KAT6A: variants seen among roughly 807,000 people sequenced by gnomAD.
The protein encoded by KAT6A is histone acetyltransferase KAT6A.
Under a neutral mutation model 198.4 loss-of-function variants are expected in KAT6A, and 9 were observed. That is an observed-to-expected ratio of 0.05 (90% CI 0.03 to 0.08). The LOEUF (loss-of-function observed/expected upper bound fraction) is 0.08. Ranked by LOEUF, KAT6A falls within the 10% of genes least tolerant of loss-of-function variation. The pLI is 1.00. For synonymous variants in KAT6A, 890 were observed against 883.0 expected, an observed-to-expected ratio of 1.01 and a Z score of -0.14; for missense variants, 2,077 against 2,509.9, an observed-to-expected ratio of 0.83 and a Z score of 3.69.
rs1822307015 is a variant in KAT6A, at chr8:41,945,030, A to T, written c.1997-1051T>A. On this transcript the variant is annotated intron_variant, in intron 12 of 16. Transcript: ENST00000265713. ...CATTAGTTCTGCATATATTCATCTAAATATCATTGTATAGCAATATCTGAG... is the reference window on the plus strand; with the variant it reads ...CATTAGTTCTGCATATATTCATCTATATATCATTGTATAGCAATATCTGAG... 4.6e-5 allele frequency among the ~76,000 whole-genome samples: 7 copies of T among 152,328 alleles called. No individual in the cohort carries two copies. In the South Asian group the frequency reaches 1.4e-3, roughly 32 times the overall value.
intron 5 of KAT6A, among the ~76,000 whole-genome samples, chr8:41,980,605 C>T (rs1247825044): frequency 1.3e-5 from 2 of 152,156 alleles, no homozygotes; most frequent in Non-Finnish European, 2.9e-5. Context: ...AAATGAACCA[C>T]TTCACCATTG....
intron 8 of KAT6A, among the ~76,000 whole-genome samples, chr8:41,965,053 G>C (rs928357740): frequency 1.3e-5 from 2 of 152,142 alleles, no homozygotes; most frequent in African/African-American, 4.8e-5. Context: ...CCTACTACAT[G>C]CAAGTCACAC....
chr8:42,046,543 A>G, intron 2 of KAT6A, among the ~76,000 whole-genome samples: 1 of 152,196 alleles, frequency 6.6e-6, no homozygotes, highest in Non-Finnish European at 1.5e-5. Flanking sequence ...AAATAAATAA[A>G]TAAAAGCAAA....
At chr8:41,997,547 T>G (rs567140589) in intron 2 of KAT6A, among the ~76,000 whole-genome samples, 14 of 152,334 alleles carry the variant, frequency 9.2e-5, no homozygotes, top group Admixed American at 9.2e-4. Context: ...TCACTTTGTC[T>G]TAAGAAAAAT....
chr8:41,946,493 TACAC>T lies in KAT6A; in HGVS notation c.1996+94_1996+97del, dbSNP rs60247515. On this transcript the variant is annotated intron_variant, in intron 12 of 16. Coordinates refer to ENST00000265713, the MANE Select transcript of KAT6A (RefSeq NM_006766.5). ...CTACAAATCTTTAAATATATATATA[TACAC>T]ACACACACACACACACACACACACA... is the stretch of plus-strand genomic sequence containing the variant. The T allele has an allele frequency of 0.025, 8,017 of 321,040 alleles. 42 individuals carry two copies. Among genetic ancestry groups the T allele is most frequent in the Non-Finnish European group, 0.03 (5,528 of 187,006 alleles). The allele number at this position is 321,040 out of a possible 1,614,324, so 19.9% of individuals were successfully genotyped here.
chr8:41,988,500 C>G (rs7009031), intron 2 of KAT6A, among the ~76,000 whole-genome samples: 1 of 152,114 alleles, frequency 6.6e-6, no homozygotes, highest in Non-Finnish European at 1.5e-5. Context: ...GAGATAATCA[C>G]TTGGAGAAAA....
chr8:41,952,607 T>G (rs1822719735), intron 9 of KAT6A, among the ~76,000 whole-genome samples: 1 of 152,246 alleles, frequency 6.6e-6, no homozygotes, highest in Non-Finnish European at 1.5e-5. Context: ...AAAAGACGTT[T>G]TTCTTGTGAT....
In KAT6A at chr8:42,003,980, C is replaced by T. The variant is rs572370640; in HGVS notation, c.601-16417G>A. On this transcript the variant is annotated intron_variant, in intron 2 of 16. Coordinates refer to ENST00000265713, the MANE Select transcript of KAT6A (RefSeq NM_006766.5). ...GAAAACAAATTTCTGTTGCTTAAGCCATTTAGTCTACGGTATTCTGTAATA... is the reference window on the plus strand; with the variant it reads ...GAAAACAAATTTCTGTTGCTTAAGCTATTTAGTCTACGGTATTCTGTAATA... Among the ~76,000 whole-genome samples the T allele has an allele frequency of 5.9e-5, 9 of 152,220 alleles. No homozygotes were observed. The South Asian group carries it at 1.9e-3, about 32-fold the overall frequency.
intron 1 of KAT6A, among the ~76,000 whole-genome samples, chr8:42,051,464 C>T (rs1014626787): frequency 2.0e-5 from 3 of 148,158 alleles, no homozygotes; most frequent in African/African-American, 4.9e-5. Context: ...CCCGGCCCGG[C>T]ACAGCCGGCA....
chr8:41,974,894 C>G, intron 7 of KAT6A, 72 bp from the exon 8 acceptor site: 2 of 866,078 alleles, frequency 2.3e-6, no homozygotes, highest in Non-Finnish European at 3.7e-6. Context: ...AATTTCAGGT[C>G]TTTATTTCAA....
chr8:41,993,656 TG>T (rs2150897635), intron 2 of KAT6A, among the ~76,000 whole-genome samples: 1 of 152,266 alleles, frequency 6.6e-6, no homozygotes, highest in African/African-American at 2.4e-5. Flanking sequence ...AACAGTACCT[TG>T]GGGGTTTAAG....
chr8:41,950,478 A>G (rs772297906), intron 9 of KAT6A, among the ~76,000 whole-genome samples: 74 of 152,154 alleles, frequency 4.9e-4, no homozygotes, highest in South Asian at 6.2e-4. Context: ...TAACTGTTTT[A>G]CTTACCTCTT....
intron 3 of KAT6A, among the ~76,000 whole-genome samples, chr8:41,982,947 CT>C (rs1824432976): frequency 6.6e-6 from 1 of 152,102 alleles, no homozygotes; most frequent in African/African-American, 2.4e-5. Flanking sequence ...CACTGGGGGT[CT>C]TGAAACCTCC....
At chr8:41,963,535 G>A (rs1823310664) in intron 8 of KAT6A, among the ~76,000 whole-genome samples, 1 of 152,064 alleles carries the variant, frequency 6.6e-6, no homozygotes, top group Non-Finnish European at 1.5e-5. Context: ...TTCTCAAAAC[G>A]ATTATCTATC....
chr8:41,939,577 A>G (rs1220540439), intron 15 of KAT6A, among the ~76,000 whole-genome samples: 5 of 152,140 alleles, frequency 3.3e-5, no homozygotes, highest in Non-Finnish European at 5.9e-5. Context: ...GGTACCCTTT[A>G]ATTATGTGAT....
At position 41,973,402 on chromosome 8, in the gene KAT6A, T is replaced by A. The variant is rs538033241; in HGVS notation, c.1482+1302A>T. Among the ~76,000 whole-genome samples the A allele has an allele frequency of 1.2e-4, 18 of 152,200 alleles. No homozygotes were observed. The South Asian group carries it at 3.7e-3, about 32-fold the overall frequency. On this transcript the variant is annotated intron_variant, in intron 8 of 16. Coordinates refer to ENST00000265713, the MANE Select transcript of KAT6A (RefSeq NM_006766.5). ...CACCGGCTAATTTTTGTATTTTTAG[T>A]AGAGACGGGGTTTCACCATGCTGGC...
chr8:41,965,636 G>C (rs1823434843), intron 8 of KAT6A, among the ~76,000 whole-genome samples: 1 of 152,136 alleles, frequency 6.6e-6, no homozygotes, highest in African/African-American at 2.4e-5. Flanking sequence ...TGATAAGCAT[G>C]GGTTTCAGTT....
chr8:42,032,421 A>G (rs1284095679), intron 2 of KAT6A, among the ~76,000 whole-genome samples: 1 of 152,154 alleles, frequency 6.6e-6, no homozygotes, highest in Admixed American at 6.5e-5. Flanking sequence ...ATCCATATAA[A>G]GTTTTAGGGG....
intron 8 of KAT6A, among the ~76,000 whole-genome samples, chr8:41,967,512 G>A (rs1324097018): frequency 1.5e-5 from 2 of 137,688 alleles, no homozygotes; most frequent in East Asian, 2.1e-4. Flanking sequence ...TGTTCTCACT[G>A]TTCAATTCCC....
Sources: allele counts gnomAD v4.1 joint callset (sites outside exome capture counted in the v4.1 genomes callset), GRCh38; gene constraint gnomAD v4.1.1; transcripts MANE v1.5; gene names NCBI Gene and HGNC (gene_info 2026-07-23, HGNC 2026-07-21).